Variants in DNAH10 observed in about 807,000 individuals in gnomAD.
The protein encoded by DNAH10 is dynein axonemal heavy chain 10.
DNAH10 carries 348 observed loss-of-function variants against 506.6 expected under a neutral mutation model. That is an observed-to-expected ratio of 0.69 (90% CI 0.63 to 0.75). The LOEUF (loss-of-function observed/expected upper bound fraction) is 0.75, where lower values mean the gene tolerates loss of function less well. Among genes scored for constraint, DNAH10 ranks in the 30% least tolerant of loss-of-function variants. The pLI is 0.00. For missense variants in DNAH10, 5,179 were observed against 5,787.1 expected, an observed-to-expected ratio of 0.89 and a Z score of 3.41; for synonymous variants, 2,059 against 2,198.6, an observed-to-expected ratio of 0.94 and a Z score of 1.78.
chr12:123,773,681 T>C (rs1957337998), intron 4 of DNAH10, among the ~76,000 whole-genome samples: 1 of 152,186 alleles, frequency 6.6e-6, no homozygotes, highest in South Asian at 2.1e-4. Context: ...AGCTCTCCTG[T>C]CTCTTCCTAT....
intron 11 of DNAH10, 130 bp downstream of exon 11, chr12:123,790,251 T>C (rs1958029945): frequency 2.1e-6 from 2 of 938,856 alleles, no homozygotes; most frequent in Non-Finnish European, 3.2e-6. Context: ...TTATTAATTA[T>C]AAAAAACAAA....
In DNAH10 at chr12:123,913,861, C is replaced by A. The variant is rs775150192; in HGVS notation, c.10353-468C>A. 6.6e-6 allele frequency among the ~76,000 whole-genome samples: 1 copy of A among 152,140 alleles called. No homozygotes were observed. The highest frequency in any genetic ancestry group is 1.5e-5 in the Non-Finnish European group (1 of 68,016). ...AGAAAACACTGAAAAATGTTGTTTG[C>A]GTGTGGGAAACAATTTTCAGTATTT... On this transcript the variant is annotated intron_variant, in intron 60 of 78. Transcript: ENST00000673944. This position sits in a 1 kb window ranked among gnomAD's most constrained non-coding sequence, Gnocchi z 5.1.
At chr12:123,901,782 T>C (rs923955734) in intron 56 of DNAH10, among the ~76,000 whole-genome samples, 1 of 152,162 alleles carries the variant, frequency 6.6e-6, no homozygotes, top group Non-Finnish European at 1.5e-5. Flanking sequence ...TGCCTCAGCC[T>C]CCTGAGTAGC....
chr12:123,874,026 A>G (rs888771183), intron 46 of DNAH10, among the ~76,000 whole-genome samples: 18 of 152,144 alleles, frequency 1.2e-4, no homozygotes, highest in Admixed American at 2.6e-4. Context: ...TTAGATAATA[A>G]TACTGTTGTT....
chr12:123,793,396 T>TGGC (rs1958156950), intron 11 of DNAH10, among the ~76,000 whole-genome samples: 1 of 148,576 alleles, frequency 6.7e-6, no homozygotes, highest in Non-Finnish European at 1.5e-5. Context: ...TGGAGTGCAG[T>TGGC]GGCGCCATCT....
At chr12:123,915,899 CG>C (rs1267318534) in intron 62 of DNAH10, among the ~76,000 whole-genome samples, 2 of 152,220 alleles carry the variant, frequency 1.3e-5, no homozygotes, top group African/African-American at 4.8e-5. Flanking sequence ...ATGGAATTGC[CG>C]GGGCGGCCCA....
At chr12:123,876,579 G>A (rs1311689258) in intron 47 of DNAH10, among the ~76,000 whole-genome samples, 1 of 152,158 alleles carries the variant, frequency 6.6e-6, no homozygotes, top group African/African-American at 2.4e-5. Context: ...GCTTTAGTGA[G>A]CCAAGATCAT....
chr12:123,885,656 G>GA (rs1425735891), intron 51 of DNAH10, among the ~76,000 whole-genome samples: 2 of 151,954 alleles, frequency 1.3e-5, no homozygotes, highest in Non-Finnish European at 2.9e-5. Flanking sequence ...AGAAGGAAAG[G>GA]AAAAAAGTGT....
rs137914909 is a variant in DNAH10, at chr12:123,813,577, G to A, written c.3558G>A (p.Ser1186=). 78 of 1,614,156 alleles carry A rather than the reference G, an allele frequency of 4.8e-5. No homozygotes were observed. The highest frequency in any genetic ancestry group is 2.3e-4 in the Admixed American group (14 of 60,022). ...VQENAKSWVI[S]LGKLLNESAK... ...AAAATGCCAAGTCCTGGGTGATTTC[G>A]CTTGGAAAACTTCTCAATGAGTCAG... Residue 1186 remains serine, a synonymous_variant, in exon 20 of 79, where the codon TCG becomes TCA. Transcript: ENST00000673944.
At chr12:123,856,141 T>G (rs1470045641) in intron 36 of DNAH10, among the ~76,000 whole-genome samples, 1 of 147,292 alleles carries the variant, frequency 6.8e-6, no homozygotes, top group African/African-American at 2.5e-5. Context: ...TAAATTTATA[T>G]AATTTATAAA....
chr12:123,904,247 A>G (rs925079576), intron 57 of DNAH10, among the ~76,000 whole-genome samples: 2 of 152,134 alleles, frequency 1.3e-5, no homozygotes, highest in Non-Finnish European at 1.5e-5. Context: ...GGGTATAAGG[A>G]TCGATGTATT....
Position 123,859,196 on chromosome 12 carries a change from C to A in DNAH10, c.6677C>A (p.Thr2226Lys). The A allele has an allele frequency of 6.2e-7, 1 of 1,612,104 alleles. No homozygotes were observed. The highest frequency in any genetic ancestry group is 8.5e-7 in the Non-Finnish European group (1 of 1,179,326). Residue 2226 changes from threonine to lysine, a missense_variant, in exon 38 of 79, where the codon ACG (threonine) becomes AAG (lysine). Coordinates refer to ENST00000673944, the MANE Select transcript of DNAH10 (RefSeq NM_001372106.1). ...QMFETMLTRH[T>K]TMVVGPTRGG... ...TTCGAGACCATGTTAACCCGCCACA[C>A]GACGATGGTGGTGGGGCCCACCAGA...
At chr12:123,764,989 A>G (rs893283601) in intron 1 of DNAH10, among the ~76,000 whole-genome samples, 1 of 151,932 alleles carries the variant, frequency 6.6e-6, no homozygotes, top group Non-Finnish European at 1.5e-5. Context: ...TAACCCTTGA[A>G]CAGTTTCCCT....
intron 35 of DNAH10, among the ~76,000 whole-genome samples, chr12:123,851,409 C>A (rs539662021): frequency 6.6e-6 from 1 of 151,816 alleles, no homozygotes; most frequent in South Asian, 2.1e-4. Context: ...GTGTCAGCTC[C>A]GTGTGGCTCT....
chr12:123,831,561 T>C (rs950718731), intron 26 of DNAH10, among the ~76,000 whole-genome samples: 28 of 152,268 alleles, frequency 1.8e-4, no homozygotes, highest in African/African-American at 5.8e-4. Flanking sequence ...CGGCCAGCCA[T>C]TGTAACCTAA....
intron 59 of DNAH10, among the ~76,000 whole-genome samples, chr12:123,911,223 A>C (rs1954056466): frequency 9.0e-6 from 1 of 111,392 alleles, no homozygotes; most frequent in African/African-American, 3.6e-5. Context: ...CTAGGGTCAA[A>C]GCAGAGTTTC....
chr12:123,931,918 C>G (rs750482201), intron 75 of DNAH10, 23 bp from the exon 76 acceptor site: 2 of 1,613,646 alleles, frequency 1.2e-6, no homozygotes, highest in Non-Finnish European at 8.5e-7. Flanking sequence ...GAGTCCTGCC[C>G]GATTGCTCTT....
At chr12:123,894,082 CTTTTTTTTTTT>C (rs558490981) in intron 53 of DNAH10, among the ~76,000 whole-genome samples, 15 of 89,158 alleles carry the variant, frequency 1.7e-4, no homozygotes, top group African/African-American at 3.9e-4. Flanking sequence ...AATGAGCATC[CTTTTTTTTTTT>C]TTTTTTTTTT....
Position 123,909,945 on chromosome 12 carries a change from C to T in DNAH10, c.9997+503C>T, listed in dbSNP as rs545719451. ...GTTATAGGACTGAGTTCCCCTTGAG[C>T]TCAGTTCCTGACCCTGCCCAGTGCT... On this transcript the variant is annotated intron_variant, in intron 58 of 78. Coordinates refer to ENST00000673944, the MANE Select transcript of DNAH10 (RefSeq NM_001372106.1). This position sits in a 1 kb window ranked among gnomAD's most constrained non-coding sequence, Gnocchi z 5.4. Among the ~76,000 whole-genome samples, 35 of 152,344 alleles carry T rather than the reference C, an allele frequency of 2.3e-4. No individual in the cohort carries two copies. The highest frequency in any genetic ancestry group is 8.4e-4 in the African/African-American group (35 of 41,574).
Sources: gnomAD v4.1 joint callset for allele counts (sites outside exome capture counted in the v4.1 genomes callset) on GRCh38, gnomAD v4.1.1 for gene constraint, Gnocchi (gnomAD v3.1) non-coding constraint, MANE v1.5 for transcripts, NCBI Gene and HGNC (gene_info 2026-07-23, HGNC 2026-07-21) for gene names.